The following PTPRM variants were observed in gnomAD, a reference collection of about 807,000 sequenced individuals.
PTPRM encodes the protein protein tyrosine phosphatase receptor type M.
A neutral mutation model predicts 186.7 loss-of-function variants in PTPRM; 47 were observed. The observed-to-expected ratio is 0.25, with a 90% CI of 0.20 to 0.32. PTPRM has a LOEUF of 0.32. Ranked by LOEUF, PTPRM falls within the 10% of genes least tolerant of loss-of-function variation. The pLI, the probability that PTPRM is intolerant of heterozygous loss-of-function variation, is 1.00. For synonymous variants in PTPRM, 668 were observed against 674.9 expected, an observed-to-expected ratio of 0.99 and a Z score of 0.16; for missense variants, 1,494 against 1,865.0, an observed-to-expected ratio of 0.80 and a Z score of 3.66.
chr18:7,593,675 T>G (rs1362211394), intron 1 of PTPRM, among the ~76,000 whole-genome samples: 1 of 152,222 alleles, frequency 6.6e-6, no homozygotes, highest in African/African-American at 2.4e-5. Context: ...TTACGTCCAC[T>G]TTCTACCTGC....
At chr18:7,691,762 A>G (rs959350059) in intron 1 of PTPRM, among the ~76,000 whole-genome samples, 2 of 152,124 alleles carry the variant, frequency 1.3e-5, no homozygotes, top group African/African-American at 2.4e-5. Context: ...AACAGAAAAA[A>G]CAAAAAACAA....
chr18:7,806,875 A>C (rs2044262614), intron 2 of PTPRM, among the ~76,000 whole-genome samples: 1 of 152,224 alleles, frequency 6.6e-6, no homozygotes, highest in Non-Finnish European at 1.5e-5. Context: ...TATGGGAAGA[A>C]GGTTGCTTTT....
chr18:7,903,587 G>C (rs1599398291), intron 3 of PTPRM, among the ~76,000 whole-genome samples: 1 of 152,182 alleles, frequency 6.6e-6, no homozygotes, highest in African/African-American at 2.4e-5. Flanking sequence ...AATTAGCAGG[G>C]TCCCATTGCA....
intron 19 of PTPRM, among the ~76,000 whole-genome samples, chr18:8,294,730 A>C (rs1373374489): frequency 6.6e-6 from 1 of 152,234 alleles, no homozygotes; most frequent in East Asian, 1.9e-4. Flanking sequence ...ATGATAATGA[A>C]GTGTTACCTA....
intron 22 of PTPRM, among the ~76,000 whole-genome samples, chr18:8,322,335 G>A (rs1465624202): frequency 1.3e-5 from 2 of 152,032 alleles, no homozygotes; most frequent in Non-Finnish European, 2.9e-5. Context: ...ATAATAATGG[G>A]TGACGTTTCT....
chr18:8,309,824 A>C (rs1453131179), intron 20 of PTPRM, among the ~76,000 whole-genome samples: 1 of 152,198 alleles, frequency 6.6e-6, no homozygotes, highest in South Asian at 2.1e-4. Flanking sequence ...ATATGCCATC[A>C]CATCCAGCTA....
Position 7,766,159 on chromosome 18 carries a change from T to C in PTPRM, c.74-7990T>C, listed in dbSNP as rs79812091. Among the ~76,000 whole-genome samples the C allele has an allele frequency of 5.4e-3, 815 of 152,300 alleles. 10 individuals are homozygous for C. The highest frequency in any genetic ancestry group is 0.018 in the African/African-American group (766 of 41,576). ...GAAAATGTGTGAGTACAGACCTTGT[T>C]TGAATTGCTAGTCCTGCACTGAAGC... On this transcript the variant is annotated intron_variant, in intron 1 of 32. Transcript: ENST00000580170.
At chr18:8,082,997 G>C (rs2090221080) in intron 9 of PTPRM, among the ~76,000 whole-genome samples, 1 of 151,662 alleles carries the variant, frequency 6.6e-6, no homozygotes, top group Admixed American at 6.6e-5. Context: ...ACTGAGTTCT[G>C]TCCATTTTAT....
At chr18:8,272,793 T>C (rs1043215815) in intron 19 of PTPRM, among the ~76,000 whole-genome samples, 1 of 152,154 alleles carries the variant, frequency 6.6e-6, no homozygotes, top group Non-Finnish European at 1.5e-5. Context: ...ATCAAGCTTT[T>C]GTTCACATTT....
At chr18:7,794,962 C>T (rs981546088) in intron 2 of PTPRM, among the ~76,000 whole-genome samples, 7 of 152,162 alleles carry the variant, frequency 4.6e-5, no homozygotes, top group African/African-American at 1.7e-4. Flanking sequence ...GTAGCACCAA[C>T]CTCAGAGGAC....
At chr18:7,992,915 T>C (rs1707909610) in intron 7 of PTPRM, among the ~76,000 whole-genome samples, 1 of 152,020 alleles carries the variant, frequency 6.6e-6, no homozygotes, top group South Asian at 2.1e-4. Context: ...AATCAGTGAA[T>C]GATGGCAGTA....
chr18:7,976,108 G>T (rs995470018), intron 7 of PTPRM, among the ~76,000 whole-genome samples: 3 of 152,182 alleles, frequency 2.0e-5, no homozygotes, highest in African/African-American at 7.2e-5. Context: ...GGCAGAGATT[G>T]CAGTGAGCCA....
chr18:7,689,369 G>A lies in PTPRM; in HGVS notation c.74-84780G>A, dbSNP rs543608829. Among the ~76,000 whole-genome samples the A allele has an allele frequency of 6.1e-4, 93 of 152,310 alleles. No homozygotes were observed. The South Asian group carries it at 0.012, about 20-fold the overall frequency. ...AAGGTCTCAGGCACATCAGGTGCAC[G>A]CACCCTTGGAGCCACAGTAGCAATG... is the stretch of plus-strand genomic sequence containing the variant. On this transcript the variant is annotated intron_variant, in intron 1 of 32. Coordinates refer to ENST00000580170, the MANE Select transcript of PTPRM (RefSeq NM_001105244.2).
intron 2 of PTPRM, among the ~76,000 whole-genome samples, chr18:7,862,597 G>A (rs915932758): frequency 1.8e-4 from 27 of 152,222 alleles, no homozygotes; most frequent in African/African-American, 6.5e-4. Flanking sequence ...GGCACAAGGA[G>A]ATGGAGGGTA....
intron 1 of PTPRM, among the ~76,000 whole-genome samples, chr18:7,636,649 G>A (rs2038321371): frequency 6.6e-6 from 1 of 152,134 alleles, no homozygotes; most frequent in Admixed American, 6.5e-5. Flanking sequence ...GAGGAGGCGC[G>A]TGCTACACAG....
Position 7,791,233 on chromosome 18 carries a change from A to G in PTPRM, c.196+16962A>G, listed in dbSNP as rs144519552. ...CTGAATTCAGTAGGCCCTGTGGTCT[A>G]GATCCCTTTTTTTTTCAGATTAAAG... On this transcript the variant is annotated intron_variant, in intron 2 of 32. Transcript: ENST00000580170. Among the ~76,000 whole-genome samples the G allele has an allele frequency of 5.2e-3, 792 of 152,306 alleles. 10 individuals are homozygous for G. The highest frequency in any genetic ancestry group is 0.018 in the African/African-American group (736 of 41,564).
rs370229339 is a variant in PTPRM, at chr18:8,230,801, G to A, written c.2301-13257G>A. Among the ~76,000 whole-genome samples, 15 of 152,214 alleles carry A rather than the reference G, an allele frequency of 9.9e-5. No individual in the cohort carries two copies. In the East Asian group the frequency reaches 2.7e-3, roughly 27 times the overall value. Reference sequence around the variant, plus strand: ...CTTTCTTAAAATTTTACCTTTAAATGCAACAGGATCTGCTAATTCTTACAG... The same window carrying A: ...CTTTCTTAAAATTTTACCTTTAAATACAACAGGATCTGCTAATTCTTACAG... On this transcript the variant is annotated intron_variant, in intron 14 of 32. Transcript: ENST00000580170.
At chr18:8,086,875 G>C (rs1272897172) in intron 10 of PTPRM, among the ~76,000 whole-genome samples, 1 of 152,090 alleles carries the variant, frequency 6.6e-6, no homozygotes, top group African/African-American at 2.4e-5. Context: ...GCACAAACTT[G>C]ACTTGAAATT....
intron 1 of PTPRM, among the ~76,000 whole-genome samples, chr18:7,652,928 G>A (rs536894867): frequency 7.8e-4 from 118 of 151,794 alleles, no homozygotes; most frequent in South Asian, 1.7e-3. Flanking sequence ...TAATAAAAAA[G>A]GGTTCATGCC....
Sources: gnomAD v4.1 joint callset for allele counts (sites outside exome capture counted in the v4.1 genomes callset) on GRCh38, gnomAD v4.1.1 for gene constraint, MANE v1.5 for transcripts, NCBI Gene and HGNC (gene_info 2026-07-23, HGNC 2026-07-21) for gene names.